The following TRIM46 variants were observed in gnomAD, a reference collection of about 807,000 sequenced individuals.
TRIM46 encodes tripartite motif-containing protein 46.
Under a neutral mutation model 69.7 loss-of-function variants are expected in TRIM46, and 17 were observed. That is an observed-to-expected ratio of 0.24 (90% CI 0.17 to 0.37). The LOEUF is 0.37. Among genes scored for constraint, TRIM46 ranks in the 10% least tolerant of loss-of-function variants. The pLI, the probability that TRIM46 is intolerant of heterozygous loss-of-function variation, is 1.00. For synonymous variants in TRIM46, 391 were observed against 429.0 expected, an observed-to-expected ratio of 0.91 and a Z score of 1.09; for missense variants, 675 against 1,025.1, an observed-to-expected ratio of 0.66 and a Z score of 4.66.
In TRIM46 at chr1:155,173,984, T is replaced by C; in HGVS notation, c.18T>C (p.Asp6=). The change falls in exon 1 of 10, where the codon GAT becomes GAC. Residue 6 remains aspartate, a synonymous_variant. Coordinates refer to ENST00000334634, the MANE Select transcript of TRIM46 (RefSeq NM_025058.5). ...GTAGGGCCATGGCAGAGGGTGAGGA[T>C]ATGCAGACCTTCACTTCCATCATGG... is the stretch of plus-strand genomic sequence containing the variant. MAEGE[D]MQTFTSIMDA... 6.3e-7 allele frequency: 1 copy of C among 1,575,012 alleles called. No homozygotes were observed. Among genetic ancestry groups the C allele is most frequent in the Non-Finnish European group, 8.6e-7 (1 of 1,161,284 alleles).
At chr1:155,183,692 T>A (rs2147799724) in intron 9 of TRIM46, 105 bp from the exon 10 acceptor site, 2 of 1,473,964 alleles carry the variant, frequency 1.4e-6, no homozygotes, top group South Asian at 2.5e-5. Context: ...ATCCATCCCT[T>A]CAACCTCTTG....
At chr1:155,177,387 T>A in intron 5 of TRIM46, 97 bp downstream of exon 5, 1 of 1,092,488 alleles carries the variant, frequency 9.2e-7, no homozygotes, top group South Asian at 1.3e-5. Context: ...TGTTGCTAGC[T>A]CAGGAAGCCC....
Position 155,175,133 on chromosome 1 carries a change from G to C in TRIM46, c.64-253G>C. On this transcript the variant is annotated intron_variant, in intron 1 of 9. Coordinates refer to ENST00000334634, the MANE Select transcript of TRIM46 (RefSeq NM_025058.5). The surrounding 1 kb of genome is among the most constrained non-coding windows in gnomAD (Gnocchi z 4.2). ...CTGCAGCTGGAGAAATGGGGATTGGGCTTGAGGCTGGAGCAGGCACAAGCT... is the reference window on the plus strand; with the variant it reads ...CTGCAGCTGGAGAAATGGGGATTGGCCTTGAGGCTGGAGCAGGCACAAGCT... 7.2e-7 allele frequency: 1 copy of C among 1,385,106 alleles called. No individual in the cohort carries two copies. The highest frequency in any genetic ancestry group is 9.3e-7 in the Non-Finnish European group (1 of 1,073,978). The allele number at this position is 1,385,106 out of a possible 1,614,324, so 85.8% of individuals were successfully genotyped here.
chr1:155,175,681 C>G lies in TRIM46; in HGVS notation c.325+34C>G. The stretch of plus-strand genomic sequence containing the variant: ...GGGGCCTGTAGGGTGGGGATGGGAA[C>G]GCTGAGCTATTCATCAGGAAGATGG... On this transcript the variant is annotated intron_variant, in intron 2 of 9. Transcript: ENST00000334634. This position sits in a 1 kb window ranked among gnomAD's most constrained non-coding sequence, Gnocchi z 4.2. The G allele has an allele frequency of 1.2e-6, 2 of 1,612,230 alleles. No individual in the cohort carries two copies. Among genetic ancestry groups the G allele is most frequent in the East Asian group, 2.2e-5 (1 of 44,884 alleles).
At chr1:155,183,760 C>T (rs777253243) in intron 9 of TRIM46, 37 bp from the exon 10 acceptor site, 4 of 1,594,610 alleles carry the variant, frequency 2.5e-6, no homozygotes, top group Non-Finnish European at 2.5e-6. Flanking sequence ...GTCACTCCAT[C>T]CCTCAACAAT....
intron 9 of TRIM46, among the ~76,000 whole-genome samples, chr1:155,183,132 A>G (rs4971099): frequency 0.43 from 64,497 of 151,332 alleles, 14,774 homozygotes; most frequent in East Asian, 0.76. Flanking sequence ...GGATGGTCTC[A>G]ATCTCCTGAC....
In TRIM46 at chr1:155,179,840, G is replaced by T. The variant is rs764413748; in HGVS notation, c.1494G>T (p.Thr498=). 11 of 1,613,418 alleles carry T rather than the reference G, an allele frequency of 6.8e-6. No homozygotes were observed. The highest frequency in any genetic ancestry group is 9.3e-6 in the Non-Finnish European group (11 of 1,179,878). ...GTGCCCTGCTTGAGAACCCCGACAC[G>T]GGCTCTGTGTATGTGCTGCGTGTCC... The part of the protein sequence containing the change: ...GTSALLENPD[T]GSVYVLRVRG... Residue 498 remains threonine, a synonymous_variant, in exon 8 of 10, where the codon ACG becomes ACT. Coordinates refer to ENST00000334634, the MANE Select transcript of TRIM46 (RefSeq NM_025058.5).
At chr1:155,180,017 C>G in intron 8 of TRIM46, 83 bp downstream of exon 8, 1 of 1,420,610 alleles carries the variant, frequency 7.0e-7, no homozygotes, top group Non-Finnish European at 9.4e-7. Flanking sequence ...CCGGTGGCCG[C>G]TAGAGAGGCC....
intron 1 of TRIM46, among the ~76,000 whole-genome samples, chr1:155,174,244 C>T (rs1665420320): frequency 6.6e-6 from 1 of 151,986 alleles, no homozygotes; most frequent in African/African-American, 2.4e-5. Context: ...TGTGCTGGAG[C>T]GTGAGGAGGA....
intron 8 of TRIM46, 89 bp downstream of exon 8, chr1:155,180,023 A>T: frequency 7.3e-7 from 1 of 1,371,064 alleles, no homozygotes; most frequent in South Asian, 1.4e-5. Flanking sequence ...GCCGCTAGAG[A>T]GGCCATATAA....
rs1471107619 is a variant in TRIM46, at chr1:155,184,266, C to T, written c.*76C>T. On this transcript the variant is annotated 3_prime_UTR_variant, in exon 10 of 10. Coordinates refer to ENST00000334634, the MANE Select transcript of TRIM46 (RefSeq NM_025058.5). This position sits in a 1 kb window ranked among gnomAD's most constrained non-coding sequence, Gnocchi z 5.6. ...CAAACCTCTTGGCACCCGGTTGTTA[C>T]CCCCTGGCAGCTTCTCCCCCAAACT... The T allele has an allele frequency of 6.3e-6, 9 of 1,429,426 alleles. No homozygotes were observed. The highest frequency in any genetic ancestry group is 2.1e-4 in the Middle Eastern group (1 of 4,720). The allele number at this position is 1,429,426 out of a possible 1,614,324, so 88.5% of individuals were successfully genotyped here. A position where few individuals can be genotyped will look rare whatever the true frequency, so the allele number is the denominator to read the frequency against.
intron 9 of TRIM46, 82 bp from the exon 10 acceptor site, chr1:155,183,715 C>A: frequency 6.5e-7 from 1 of 1,547,802 alleles, no homozygotes; most frequent in South Asian, 1.2e-5. Context: ...CCTTAACATT[C>A]CATCCTTCCA....
chr1:155,174,307 A>C lies in TRIM46; in HGVS notation c.63+278A>C, dbSNP rs890136718. Among the ~76,000 whole-genome samples the C allele has an allele frequency of 5.3e-5, 8 of 152,180 alleles. 1 individual carries two copies. In the East Asian group the frequency reaches 1.5e-3, roughly 29 times the overall value. On this transcript the variant is annotated intron_variant, in intron 1 of 9. Transcript: ENST00000334634. Reference sequence around the variant, plus strand: ...GGGCTGGGGTGGCCTCCAGCAGTGCACCGGGGCTGGGGCTTCAGGGGAAAG... The same window carrying C: ...GGGCTGGGGTGGCCTCCAGCAGTGCCCCGGGGCTGGGGCTTCAGGGGAAAG...
chr1:155,176,524 A>T (rs1665666159), intron 3 of TRIM46, among the ~76,000 whole-genome samples: 1 of 152,230 alleles, frequency 6.6e-6, no homozygotes, highest in African/African-American at 2.4e-5. Context: ...TGTTACCTGC[A>T]CACTGAAAAG....
Position 155,181,506 on chromosome 1 carries a change from G to A in TRIM46, c.1589-346G>A, listed in dbSNP as rs114847950. On this transcript the variant is annotated intron_variant, in intron 8 of 9. Transcript: ENST00000334634. This position sits in a 1 kb window ranked among gnomAD's most constrained non-coding sequence, Gnocchi z 4.3. ...TGGAAGGCACAGATTGATGGTGATG[G>A]GAATGTCACCAGGTGGAACAGAATA... Among the ~76,000 whole-genome samples, 688 of 152,246 alleles carry A rather than the reference G, an allele frequency of 4.5e-3. 4 individuals carry two copies. The highest frequency in any genetic ancestry group is 0.016 in the African/African-American group (670 of 41,540).
chr1:155,178,707 C>A, intron 7 of TRIM46, 94 bp downstream of exon 7: 1 of 1,570,494 alleles, frequency 6.4e-7, no homozygotes, highest in Non-Finnish European at 8.6e-7. Flanking sequence ...GGGGACCTCC[C>A]CGGCCTCCTG....
chr1:155,178,266 G>A lies in TRIM46; in HGVS notation c.1163+11G>A, dbSNP rs770908040. On this transcript the variant is annotated intron_variant, in intron 6 of 9. Transcript: ENST00000334634. The stretch of plus-strand genomic sequence containing the variant: ...GCAGCTGCACAACAGGTACTCAGGG[G>A]CATGGGCTCCTAGGGGGGCAGGGAC... The A allele has an allele frequency of 6.3e-7, 1 of 1,588,198 alleles. No homozygotes were observed. The highest frequency in any genetic ancestry group is 8.6e-7 in the Non-Finnish European group (1 of 1,164,340).
intron 6 of TRIM46, 32 bp downstream of exon 6, chr1:155,178,287 G>C (rs1368992146): frequency 6.4e-7 from 1 of 1,572,006 alleles, no homozygotes; most frequent in African/African-American, 1.3e-5. Context: ...TAGGGGGGCA[G>C]GGACATCATG....
intron 1 of TRIM46, chr1:155,174,823 A>G (rs1344653247): frequency 1.4e-6 from 2 of 1,437,260 alleles, no homozygotes; most frequent in Non-Finnish European, 1.8e-6. Context: ...GATGGGGGCG[A>G]AGGGGAATGG....
Sources: allele counts gnomAD v4.1 joint callset (sites outside exome capture counted in the v4.1 genomes callset), GRCh38; gene constraint gnomAD v4.1.1; non-coding constraint Gnocchi (gnomAD v3.1); transcripts MANE v1.5; gene names NCBI Gene and HGNC (gene_info 2026-07-23, HGNC 2026-07-21).